PRDM1: variants seen among roughly 807,000 people sequenced by gnomAD.
PRDM1 encodes PR/SET domain 1.
PRDM1 carries 13 observed loss-of-function variants against 62.8 expected under a neutral mutation model. The ratio of observed to expected loss-of-function variants is 0.21; its 90% CI spans 0.13 to 0.33. The LOEUF (loss-of-function observed/expected upper bound fraction) is 0.33, where lower values mean the gene tolerates loss of function less well. Among genes scored for constraint, PRDM1 ranks in the 10% least tolerant of loss-of-function variants. PRDM1 has a pLI of 1.00. For synonymous variants in PRDM1, 396 were observed against 417.6 expected (o/e 0.95, Z 0.63); for missense variants, 895 against 1,058.8 (o/e 0.85, Z 2.15).
At chr6:105,998,494 C>T (rs752783743) in intron 1 of PRDM1, among the ~76,000 whole-genome samples, 4 of 152,152 alleles carry the variant, frequency 2.6e-5, no homozygotes, top group African/African-American at 4.8e-5. Flanking sequence ...TAAGGTGCAA[C>T]GTTTTGCTTG....
chr6:106,072,603 C>T (rs4336479), intron 1 of PRDM1, among the ~76,000 whole-genome samples: 1 of 152,140 alleles, frequency 6.6e-6, no homozygotes, highest in Non-Finnish European at 1.5e-5. Flanking sequence ...ACTCAAGACC[C>T]GGATAGCTGG....
Position 106,106,955 on chromosome 6 carries a change from C to T in PRDM1, c.1947C>T (p.His649=). ...RFSSTSNLKT[H]LRLHSGEKPY... ...GCAGCACCAGCAATCTCAAGACCCA[C>T]CTGCGACTCCATTCTGGAGAGAAAC... Residue 649 remains histidine, a synonymous_variant, in exon 7 of 7, where the codon CAC becomes CAT. Transcript: ENST00000369096. This position sits in a 1 kb window ranked among gnomAD's most constrained non-coding sequence, Gnocchi z 4.4. 1 of 1,614,144 alleles carries T rather than the reference C, an allele frequency of 6.2e-7. No individual in the cohort carries two copies. Among genetic ancestry groups the T allele is most frequent in the Non-Finnish European group, 8.5e-7 (1 of 1,180,016 alleles).
chr6:106,016,649 C>CTTTTTTTTTT (rs71006665), intron 1 of PRDM1, among the ~76,000 whole-genome samples: 1 of 135,834 alleles, frequency 7.4e-6, no homozygotes, highest in Non-Finnish European at 1.5e-5. Context: ...TCTTTTCTCT[C>CTTTTTTTTTT]TTTTTTTTTT....
chr6:106,038,961 A>C (rs1261884200), intron 1 of PRDM1, among the ~76,000 whole-genome samples: 4 of 152,194 alleles, frequency 2.6e-5, no homozygotes, highest in Non-Finnish European at 5.9e-5. Flanking sequence ...GCCATTTCAC[A>C]CACATTTTTA....
intron 1 of PRDM1, among the ~76,000 whole-genome samples, chr6:106,013,738 C>T (rs1350245837): frequency 1.3e-5 from 2 of 152,122 alleles, no homozygotes; most frequent in East Asian, 3.8e-4. Flanking sequence ...GTAGAGATTC[C>T]GCTGCTGAAG....
intron 3 of PRDM1, among the ~76,000 whole-genome samples, chr6:106,096,996 AT>A (rs1436715967): frequency 6.6e-6 from 1 of 152,202 alleles, no homozygotes; most frequent in Non-Finnish European, 1.5e-5. Flanking sequence ...ACAAGAAGCT[AT>A]TCCTAAGAAA....
At chr6:106,058,762 GT>G (rs1398164425) in intron 1 of PRDM1, among the ~76,000 whole-genome samples, 2 of 152,100 alleles carry the variant, frequency 1.3e-5, no homozygotes, top group African/African-American at 4.8e-5. Context: ...AGTAGAGGCG[GT>G]TTCTCCATGT....
rs2114653327 is a variant in PRDM1, at chr6:106,105,216, T to C, written c.1056T>C (p.Pro352=). The part of the protein sequence containing the change: ...SPDQSLKSSS[P]HSSPGNTVSP... ...ACCAAAGCCTCAAGAGCTCCAGCCCTCACAGCAGCCCTGGGAATACGGTGT... is the reference window on the plus strand; with the variant it reads ...ACCAAAGCCTCAAGAGCTCCAGCCCCCACAGCAGCCCTGGGAATACGGTGT... The change falls in exon 5 of 7, where the codon CCT becomes CCC. Residue 352 remains proline (P), a synonymous_variant. Coordinates refer to ENST00000369096, the MANE Select transcript of PRDM1 (RefSeq NM_001198.4). 2 of 1,613,630 alleles carry C rather than the reference T, an allele frequency of 1.2e-6. No individual in the cohort carries two copies. Among genetic ancestry groups the C allele is most frequent in the Non-Finnish European group, 1.7e-6 (2 of 1,179,958 alleles).
In PRDM1 at chr6:106,008,371, C is replaced by CA. The variant is rs919168783; in HGVS notation, c.-67+14741dup. Among the ~76,000 whole-genome samples the CA allele has an allele frequency of 1.2e-4, 18 of 150,718 alleles. No individual in the cohort carries two copies. In the East Asian group the frequency reaches 2.1e-3, roughly 18 times the overall value. On this transcript the variant is annotated intron_variant, in intron 1 of 6. Coordinates refer to the PRDM1 transcript ENST00000652320. Reference sequence around the variant, plus strand: ...CTGGCGACAGAGTGAGGCTCCGTCTCAAAAAAAAAGAAATGGTTCCAGTGT... The same window carrying CA: ...CTGGCGACAGAGTGAGGCTCCGTCTCAAAAAAAAAAGAAATGGTTCCAGTGT...
At chr6:106,098,285 G>A (rs527584956) in intron 3 of PRDM1, 1 of 985,316 alleles carries the variant, frequency 1.0e-6, no homozygotes, top group East Asian at 1.1e-4. Context: ...AAGAGGGGAA[G>A]AGAGAAAACT....
intron 1 of PRDM1, among the ~76,000 whole-genome samples, chr6:106,049,854 T>C (rs150094336): frequency 9.8e-5 from 15 of 152,352 alleles, no homozygotes; most frequent in Non-Finnish European, 2.2e-4. Flanking sequence ...TGGTTCCTTG[T>C]TCTCTCGATT....
chr6:106,105,386 A>G lies in PRDM1; in HGVS notation c.1226A>G (p.His409Arg). The change falls in exon 5 of 7, where the codon CAC becomes CGC. Residue 409 changes from histidine to arginine, a missense_variant. By Grantham distance (29) the His-to-Arg change is conservative. This residue lies in a region of PRDM1 where 444 missense variants were observed against 422.7 expected (regional missense o/e 1.05). Transcript: ENST00000369096. ...GCTTTCATCCCCTCGTACAACGCTC[A>G]CTACCCCAAGTTCCTCTTGCCCCCC... Reference protein sequence around the residue: ...PPAFIPSYNAHYPKFLLPPYG... With the variant: ...PPAFIPSYNARYPKFLLPPYG... The G allele has an allele frequency of 1.2e-6, 2 of 1,614,006 alleles. No homozygotes were observed. The highest frequency in any genetic ancestry group is 1.7e-6 in the Non-Finnish European group (2 of 1,179,990).
chr6:106,002,499 C>T (rs909200595), intron 1 of PRDM1, among the ~76,000 whole-genome samples: 12 of 152,016 alleles, frequency 7.9e-5, no homozygotes, highest in Admixed American at 3.3e-4. Flanking sequence ...TGGATTCTTT[C>T]GTCCTTAAGG....
intron 1 of PRDM1, among the ~76,000 whole-genome samples, chr6:106,012,137 C>G (rs1372322083): frequency 7.0e-6 from 1 of 141,862 alleles, no homozygotes; most frequent in Non-Finnish European, 1.5e-5. Context: ...ACAAACATAA[C>G]ACACACACCA....
In PRDM1 at chr6:106,109,669, G is replaced by T; in HGVS notation, c.*2183G>T. 1 of 233,278 alleles carries T rather than the reference G, an allele frequency of 4.3e-6. No individual in the cohort carries two copies. The highest frequency in any genetic ancestry group is 2.2e-5 in the African/African-American group (1 of 45,426). 14.5% of individuals were successfully genotyped at this position (233,278 alleles called of 1,614,324 possible). On this transcript the variant is annotated 3_prime_UTR_variant, in exon 7 of 7. Transcript: ENST00000369096. ...TCGTTTGTTCTTTTTCTCCTTTTGT[G>T]CTTTCCCATAGTGAGAATTTTTATA... is the stretch of plus-strand genomic sequence containing the variant.
intron 1 of PRDM1, among the ~76,000 whole-genome samples, chr6:106,006,978 T>G (rs2114546781): frequency 6.6e-6 from 1 of 152,098 alleles, no homozygotes; most frequent in African/African-American, 2.4e-5. Context: ...GCACTCAAAG[T>G]CATGCTTATT....
chr6:106,064,864 A>G (rs1773407855), intron 1 of PRDM1, among the ~76,000 whole-genome samples: 1 of 152,110 alleles, frequency 6.6e-6, no homozygotes, highest in Admixed American at 6.5e-5. Context: ...CAGCCACTGA[A>G]TTGCTTTTTG....
upstream of PRDM1, among the ~76,000 whole-genome samples, chr6:106,084,506 T>C (rs1468491121): frequency 1.3e-5 from 2 of 152,188 alleles, no homozygotes; most frequent in Admixed American, 6.5e-5. Context: ...ATTCCCTTAC[T>C]CTATCATGGT....
intron 2 of PRDM1, among the ~76,000 whole-genome samples, chr6:106,091,728 G>A (rs1488368907): frequency 6.6e-6 from 1 of 152,166 alleles, no homozygotes; most frequent in Non-Finnish European, 1.5e-5. Flanking sequence ...AGCCGAGATC[G>A]TGCCATTGCA....
Sources: gnomAD v4.1 joint callset for allele counts (sites outside exome capture counted in the v4.1 genomes callset) on GRCh38, gnomAD v4.1.1 for gene constraint, gnomAD v4.1.1 regional missense constraint, Gnocchi (gnomAD v3.1) non-coding constraint, MANE v1.5 for transcripts, NCBI Gene and HGNC (gene_info 2026-07-23, HGNC 2026-07-21) for gene names.